BCAT1: variants seen among roughly 807,000 people sequenced by gnomAD.
The protein encoded by BCAT1 is branched-chain-amino-acid aminotransferase, cytosolic.
BCAT1 carries 48 observed loss-of-function variants against 52.4 expected under a neutral mutation model. The ratio of observed to expected loss-of-function variants is 0.92; its 90% confidence interval spans 0.73 to 1.16. The LOEUF is 1.16. BCAT1 is among the 50% of genes most tolerant of loss of function. The pLI, the probability that BCAT1 is intolerant of heterozygous loss-of-function variation, is 0.00. For synonymous variants in BCAT1, 167 were observed against 161.3 expected (o/e 1.04, Z -0.27); for missense variants, 451 against 457.1 (o/e 0.99, Z 0.12).
chr12:24,819,068 T>C (rs1940000305), intron 10 of BCAT1, among the ~76,000 whole-genome samples: 1 of 152,128 alleles, frequency 6.6e-6, no homozygotes, highest in Non-Finnish European at 1.5e-5. Context: ...ATTAGGGAGA[T>C]TGAATAACTT....
intron 1 of BCAT1, among the ~76,000 whole-genome samples, chr12:24,906,724 C>T (rs1943232214): frequency 1.3e-5 from 2 of 152,196 alleles, no homozygotes; most frequent in Admixed American, 1.3e-4. Flanking sequence ...AAGTTGCTTA[C>T]TCCTGCTCTA....
intron 8 of BCAT1, among the ~76,000 whole-genome samples, chr12:24,835,736 G>A (rs1424186033): frequency 6.6e-6 from 1 of 152,002 alleles, no homozygotes; most frequent in Non-Finnish European, 1.5e-5. Context: ...CTACAGGCAT[G>A]TACCACCATG....
chr12:24,821,523 T>G (rs544677486), intron 10 of BCAT1, among the ~76,000 whole-genome samples: 5 of 152,340 alleles, frequency 3.3e-5, no homozygotes, highest in African/African-American at 1.2e-4. Flanking sequence ...CAAGATCTCT[T>G]AAGAAATAAT....
chr12:24,854,973 G>A (rs922202274), intron 5 of BCAT1, among the ~76,000 whole-genome samples: 5 of 152,122 alleles, frequency 3.3e-5, no homozygotes, highest in Non-Finnish European at 5.9e-5. Flanking sequence ...TTAGGGACCT[G>A]CTGAGTGCCC....
chr12:24,914,984 C>G (rs1260117749), intron 1 of BCAT1, among the ~76,000 whole-genome samples: 1 of 152,162 alleles, frequency 6.6e-6, no homozygotes, highest in Non-Finnish European at 1.5e-5. Context: ...ATATAATTTT[C>G]TCTTCTACAG....
At chr12:24,869,023 G>C (rs376063756) in intron 5 of BCAT1, among the ~76,000 whole-genome samples, 1 of 152,212 alleles carries the variant, frequency 6.6e-6, no homozygotes, top group Admixed American at 6.5e-5. Flanking sequence ...CACTTCACAA[G>C]AGGACTTCTG....
At chr12:24,842,245 A>G (rs1399314325) in intron 6 of BCAT1, 21 bp from the exon 7 acceptor site, 1 of 1,613,044 alleles carries the variant, frequency 6.2e-7, no homozygotes, top group South Asian at 1.1e-5. Flanking sequence ...GAGAAAATAC[A>G]CAGGTTACAA....
chr12:24,914,396 A>G (rs546362765), intron 1 of BCAT1, among the ~76,000 whole-genome samples: 6 of 152,222 alleles, frequency 3.9e-5, no homozygotes, highest in African/African-American at 1.2e-4. Context: ...GGATTATTTT[A>G]TAAGCCATTG....
intron 1 of BCAT1, among the ~76,000 whole-genome samples, chr12:24,939,805 G>C (rs540776660): frequency 5.1e-4 from 77 of 152,326 alleles, no homozygotes; most frequent in Middle Eastern, 3.4e-3. Flanking sequence ...CTTCACTCCA[G>C]TCTGGGCGAC....
At position 24,812,454 on chromosome 12, in the gene BCAT1, C is replaced by G. The variant is rs907415862; in HGVS notation, c.*5554G>C. 6.6e-6 allele frequency: 1 copy of G among 151,872 alleles called. No individual in the cohort carries two copies. The highest frequency in any genetic ancestry group is 1.5e-5 in the Non-Finnish European group (1 of 67,860). The allele number at this position is 151,872 out of a possible 1,614,324, so 9.4% of individuals were successfully genotyped here. A position where few individuals can be genotyped will look rare whatever the true frequency, so the allele number is the denominator to read the frequency against. ...TTACTATGCTATTATAAAATAAAGC[C>G]TAGTCCAAGTTGATAATAATCTAAA... On this transcript the variant is annotated 3_prime_UTR_variant, in exon 11 of 11. Transcript: ENST00000261192.
chr12:24,826,786 C>A (rs772829467), intron 10 of BCAT1, among the ~76,000 whole-genome samples: 1 of 152,102 alleles, frequency 6.6e-6, no homozygotes, highest in Non-Finnish European at 1.5e-5. Flanking sequence ...TATCTTTCCA[C>A]CTTTGTGTGT....
chr12:24,834,109 A>G, intron 8 of BCAT1: 1 of 972,898 alleles, frequency 1.0e-6, no homozygotes, highest in Non-Finnish European at 1.2e-6. Flanking sequence ...TATAGTTGTG[A>G]GCCACTGTGC....
At chr12:24,894,515 T>A in intron 2 of BCAT1, 40 bp from the exon 3 acceptor site, 2 of 1,507,854 alleles carry the variant, frequency 1.3e-6, no homozygotes, top group Non-Finnish European at 1.8e-6. Context: ...GAAAAGCTAC[T>A]GAGCATTCGC....
In BCAT1 at chr12:24,911,117, GA is replaced by G. The variant is rs1300815352; in HGVS notation, c.7-9233del. 2.7e-5 allele frequency among the ~76,000 whole-genome samples: 4 copies of G among 150,764 alleles called. No individual in the cohort carries two copies. The East Asian group carries it at 7.7e-4, about 29-fold the overall frequency. On this transcript the variant is annotated intron_variant, in intron 1 of 10. Transcript: ENST00000261192. Reference sequence around the variant, plus strand: ...ACTGTCTTAAAAAAAAAAAAAAATTGAAAAAATATTAGTTATCATGAAAAAC... The same window carrying G: ...ACTGTCTTAAAAAAAAAAAAAAATTGAAAAATATTAGTTATCATGAAAAAC...
rs138235920 is a variant in BCAT1, at chr12:24,893,888, T to C, written c.279+387A>G. Among the ~76,000 whole-genome samples, 830 of 152,308 alleles carry C rather than the reference T, an allele frequency of 5.4e-3. 4 individuals are homozygous for C. Among genetic ancestry groups the C allele is most frequent in the African/African-American group, 0.019 (801 of 41,564 alleles). On this transcript the variant is annotated intron_variant, in intron 3 of 10. Coordinates refer to ENST00000261192, the MANE Select transcript of BCAT1 (RefSeq NM_005504.7). Reference sequence around the variant, plus strand: ...TAGACATTATTACTGGTCATAAAAATGTGGAGTTAGCATTAAAATCAAATC... The same window carrying C: ...TAGACATTATTACTGGTCATAAAAACGTGGAGTTAGCATTAAAATCAAATC...
intron 10 of BCAT1, among the ~76,000 whole-genome samples, chr12:24,824,271 C>A (rs1940285442): frequency 6.9e-6 from 1 of 143,892 alleles, no homozygotes; most frequent in African/African-American, 2.6e-5. Flanking sequence ...TCCTTCATTC[C>A]CTCCCTCCCT....
At chr12:24,876,793 G>C (rs1421510580) in intron 5 of BCAT1, among the ~76,000 whole-genome samples, 1 of 152,066 alleles carries the variant, frequency 6.6e-6, no homozygotes, top group East Asian at 1.9e-4. Flanking sequence ...CACATACTAG[G>C]GTCTGTCGGA....
At chr12:24,887,656 G>A (rs1016135758) in intron 3 of BCAT1, among the ~76,000 whole-genome samples, 2 of 152,194 alleles carry the variant, frequency 1.3e-5, no homozygotes, top group South Asian at 2.1e-4. Flanking sequence ...TGGCAAATAT[G>A]AGCATTCATT....
intron 1 of BCAT1, among the ~76,000 whole-genome samples, chr12:24,929,863 A>G (rs1323388167): frequency 6.6e-6 from 1 of 152,218 alleles, no homozygotes; most frequent in African/African-American, 2.4e-5. Context: ...GTGTACGCAC[A>G]AAATAAATTT....
Sources: gnomAD v4.1 joint callset for allele counts (sites outside exome capture counted in the v4.1 genomes callset) on GRCh38, gnomAD v4.1.1 for gene constraint, MANE v1.5 for transcripts, NCBI Gene and HGNC (gene_info 2026-07-23, HGNC 2026-07-21) for gene names.